The following RASGRP4 variants were observed in gnomAD, a reference collection of about 807,000 sequenced individuals.
The protein encoded by RASGRP4 is RAS guanyl-releasing protein 4.
In RASGRP4, 52 loss-of-function variants were observed where a neutral mutation model predicts 84.4. The ratio of observed to expected loss-of-function variants is 0.62; its 90% CI spans 0.49 to 0.78. The LOEUF is 0.78. Ranked by LOEUF, RASGRP4 falls within the 30% of genes least tolerant of loss-of-function variation. RASGRP4 has a pLI of 0.00. For synonymous variants in RASGRP4, 356 were observed against 359.1 expected, an observed-to-expected ratio of 0.99 and a Z score of 0.10; for missense variants, 760 against 886.9, an observed-to-expected ratio of 0.86 and a Z score of 1.82.
chr19:38,415,828 G>C (rs929119110), intron 8 of RASGRP4, among the ~76,000 whole-genome samples: 15 of 151,512 alleles, frequency 9.9e-5, no homozygotes, highest in African/African-American at 3.6e-4. Context: ...AGAGGCCGAG[G>C]CAGGCGGATC....
chr19:38,415,059 C>T lies in RASGRP4; in HGVS notation c.1019G>A (p.Trp340Ter). 1.2e-6 allele frequency: 2 copies of T among 1,605,766 alleles called. No homozygotes were observed. The highest frequency in any genetic ancestry group is 8.5e-7 in the Non-Finnish European group (1 of 1,176,526). Reference protein sequence around the residue: ...HNNYARYRRTWAGCAGFRLPV... With the variant: ...HNNYARYRRT The stretch of plus-strand genomic sequence containing the variant: ...CAGCCGGAAACCCGCGCAGCCAGCC[C>T]AGGTGCGGCGGTAGCGGGCGTAGTT... Residue 340 changes from tryptophan to a stop codon, truncating the protein, a stop_gained, in exon 9 of 17, where the codon TGG (tryptophan) becomes TAG (stop). Coordinates refer to ENST00000615439, the MANE Select transcript of RASGRP4 (RefSeq NM_170604.3). LOFTEE classifies it high-confidence loss of function.
chr19:38,410,916 T>C lies in RASGRP4; in HGVS notation c.1935A>G (p.Glu645=). ...CQLRHAWTQT[E]SPHPSWETDT... is the part of the protein sequence containing the mutation. The stretch of plus-strand genomic sequence containing the variant: ...CTGTTTCCCAGGAAGGGTGTGGGGA[T>C]TCAGTCTGGGTCCAGGCATGGCGAA... The change falls in exon 16 of 17, where the codon GAA becomes GAG. Residue 645 remains glutamate (E), a synonymous_variant. Coordinates refer to ENST00000615439, the MANE Select transcript of RASGRP4 (RefSeq NM_170604.3). 2 of 1,603,082 alleles carry C rather than the reference T, an allele frequency of 1.2e-6. No homozygotes were observed. Among genetic ancestry groups the C allele is most frequent in the Non-Finnish European group, 1.7e-6 (2 of 1,174,946 alleles).
At chr19:38,410,414 C>CTT (rs1001083743) in intron 16 of RASGRP4, among the ~76,000 whole-genome samples, 8,411 of 135,982 alleles carry the variant, frequency 0.062, 967 homozygotes, top group African/African-American at 0.22. Flanking sequence ...TTCTATTTTT[C>CTT]TTTTTTTTTT....
rs912821011 is a variant in RASGRP4, at chr19:38,425,990, G to C, written c.23+79C>G. 4.1e-6 allele frequency: 5 copies of C among 1,217,856 alleles called. No individual in the cohort carries two copies. The Admixed American group carries it at 1.6e-4, about 40-fold the overall frequency. 75.4% of individuals were successfully genotyped at this position (1,217,856 alleles called of 1,614,324 possible). A position where few individuals can be genotyped will look rare whatever the true frequency, so the allele number is the denominator to read the frequency against. On this transcript the variant is annotated intron_variant, in intron 1 of 16. Transcript: ENST00000615439. ...AAGAAGTCAGGAATCCTGCCACCCT[G>C]GCGAGTGATCTCCCCAGCCCTCCCA...
Position 38,418,409 on chromosome 19 carries a change from C to T in RASGRP4, c.819G>A (p.Lys273=), listed in dbSNP as rs757579367. 2 of 1,606,990 alleles carry T rather than the reference C, an allele frequency of 1.2e-6. No individual in the cohort carries two copies. Among genetic ancestry groups the T allele is most frequent in the East Asian group, 4.5e-5 (2 of 44,666 alleles). ...GPLQRAQVLD[K]FIHVAQRLHQ... ...GCCTCACCTGTGCCACGTGAATGAA[C>T]TTGTCCAGCACCTGTGCACGCTGTA... is the stretch of plus-strand genomic sequence containing the variant. The change falls in exon 7 of 17, where the codon AAG becomes AAA. Residue 273 remains lysine (K), a synonymous_variant. Coordinates refer to ENST00000615439, the MANE Select transcript of RASGRP4 (RefSeq NM_170604.3). The surrounding 1 kb of genome is among the most constrained non-coding windows in gnomAD (Gnocchi z 4.6).
chr19:38,419,518 C>T (rs970023184), intron 6 of RASGRP4, among the ~76,000 whole-genome samples: 4 of 152,096 alleles, frequency 2.6e-5, no homozygotes, highest in South Asian at 2.1e-4. Context: ...CTGTAATCTC[C>T]GCCTCCTGAG....
intron 2 of RASGRP4, 103 bp from the exon 3 acceptor site, chr19:38,421,303 C>T (rs988450930): frequency 3.0e-5 from 24 of 806,530 alleles, no homozygotes; most frequent in African/African-American, 5.0e-5. Flanking sequence ...CCAGCTCTAA[C>T]GGTGATCCCC....
chr19:38,421,158 A>G lies in RASGRP4; in HGVS notation c.251T>C (p.Met84Thr). 1 of 1,613,894 alleles carries G rather than the reference A, an allele frequency of 6.2e-7. No individual in the cohort carries two copies. Among genetic ancestry groups the G allele is most frequent in the Non-Finnish European group, 8.5e-7 (1 of 1,179,852 alleles). The change falls in exon 3 of 17, where the codon ATG becomes ACG. Residue 84 changes from methionine (M) to threonine (T), a missense_variant. By Grantham distance (81) the Met-to-Thr change is moderately conservative (BLOSUM62 -1). Transcript: ENST00000615439. ...SLCHEDHMLN[M>T]VLAMHSWVLP... ...CACCCAGCTGTGCATGGCCAGCACC[A>G]TGTTGAGCATGTGGTCCTCGTGGCA...
At chr19:38,411,543 T>A in intron 13 of RASGRP4, 162 bp from the exon 14 acceptor site, 1 of 718,098 alleles carries the variant, frequency 1.4e-6, no homozygotes, top group Non-Finnish European at 2.2e-6. Context: ...GTACAGTGGC[T>A]CATGCCAGTA....
At position 38,418,314 on chromosome 19, in the gene RASGRP4, G is replaced by A; in HGVS notation, c.837+77C>T. ...GACGTCACCGCCGGGATGACCCTGTGGGGTCGAGGGTCTGGAAGGGGAAGG... is the reference window on the plus strand; with the variant it reads ...GACGTCACCGCCGGGATGACCCTGTAGGGTCGAGGGTCTGGAAGGGGAAGG... On this transcript the variant is annotated intron_variant, in intron 7 of 16. Transcript: ENST00000615439. The surrounding 1 kb of genome is among the most constrained non-coding windows in gnomAD (Gnocchi z 4.6). 4 of 1,431,912 alleles carry A rather than the reference G, an allele frequency of 2.8e-6. 1 individual carries two copies. The highest frequency in any genetic ancestry group is 4.8e-4 in the Middle Eastern group (2 of 4,154). The allele number at this position is 1,431,912 out of a possible 1,614,324, so 88.7% of individuals were successfully genotyped here.
chr19:38,414,836 A>C lies in RASGRP4; in HGVS notation c.1230+12T>G, dbSNP rs760331956. 7 of 1,575,244 alleles carry C rather than the reference A, an allele frequency of 4.4e-6. No homozygotes were observed. Among genetic ancestry groups the C allele is most frequent in the Non-Finnish European group, 6.0e-6 (7 of 1,159,816 alleles). ...TTGGAAGCCCAGCCTGGGCGGGGCC[A>C]GGGGGGCTCACCGTGAGCAGGTGCA... On this transcript the variant is annotated intron_variant, in intron 9 of 16. Coordinates refer to ENST00000615439, the MANE Select transcript of RASGRP4 (RefSeq NM_170604.3).
chr19:38,420,462 G>C (rs931604112), intron 4 of RASGRP4, among the ~76,000 whole-genome samples, 200 bp from the exon 5 acceptor site: 9 of 151,782 alleles, frequency 5.9e-5, no homozygotes, highest in Admixed American at 1.3e-4. Context: ...AACAGAGACT[G>C]GGGGGATCTG....
intron 1 of RASGRP4, among the ~76,000 whole-genome samples, 193 bp downstream of exon 1, chr19:38,425,876 C>T (rs760294375): frequency 1.3e-5 from 2 of 152,142 alleles, no homozygotes; most frequent in Non-Finnish European, 2.9e-5. Flanking sequence ...AGGGACAACA[C>T]GGTACAGATG....
chr19:38,419,937 G>A lies in RASGRP4; in HGVS notation c.586C>T (p.Leu196Phe). 3 of 1,613,898 alleles carry A rather than the reference G, an allele frequency of 1.9e-6. No homozygotes were observed. Among genetic ancestry groups the A allele is most frequent in the Non-Finnish European group, 2.5e-6 (3 of 1,179,850 alleles). ...TCCCCCGTCTCCAAGTGGTCGAAAA[G>A]CAAGGACACTTTGCGCTTTTTGCCC... ...GLGKKRKVSL[L>F]FDHLETGELA... The change falls in exon 6 of 17, where the codon CTT (leucine) becomes TTT (phenylalanine). Residue 196 changes from leucine to phenylalanine, a missense_variant. Transcript: ENST00000615439.
At position 38,421,272 on chromosome 19, in the gene RASGRP4, C is replaced by T. The variant is rs746274608; in HGVS notation, c.209-72G>A. 608 of 1,120,116 alleles carry T rather than the reference C, an allele frequency of 5.4e-4. 1 individual carries two copies. The highest frequency in any genetic ancestry group is 7.0e-4 in the Non-Finnish European group (517 of 741,314). The allele number at this position is 1,120,116 out of a possible 1,614,324, so 69.4% of individuals were successfully genotyped here. A position where few individuals can be genotyped will look rare whatever the true frequency, so the allele number is the denominator to read the frequency against. On this transcript the variant is annotated intron_variant, in intron 2 of 16. Transcript: ENST00000615439. ...ATGCAGAGCGTAGCTCCAGATCCTG[C>T]CGGACCACCTGGTTCAAAGACCAGC...
chr19:38,414,388 G>A (rs997079146), intron 9 of RASGRP4, among the ~76,000 whole-genome samples: 1 of 138,574 alleles, frequency 7.2e-6, no homozygotes, highest in South Asian at 2.2e-4. Context: ...GCGCAATGGC[G>A]CAATCTCAGC....
intron 1 of RASGRP4, among the ~76,000 whole-genome samples, chr19:38,425,842 G>A (rs985167597): frequency 3.3e-5 from 5 of 152,158 alleles, no homozygotes; most frequent in African/African-American, 1.2e-4. Flanking sequence ...GAGTGGAAAA[G>A]GGGCACGGAG....
At chr19:38,416,524 G>T (rs2145214109) in intron 8 of RASGRP4, among the ~76,000 whole-genome samples, 1 of 151,472 alleles carries the variant, frequency 6.6e-6, no homozygotes, top group East Asian at 1.9e-4. Context: ...TGTTGCCCAG[G>T]CTGGTCTGAA....
Position 38,417,264 on chromosome 19 carries a change from T to G in RASGRP4, c.838-96A>C. The G allele has an allele frequency of 1.3e-6, 1 of 770,618 alleles. No individual in the cohort carries two copies. The highest frequency in any genetic ancestry group is 2.3e-6 in the Non-Finnish European group (1 of 444,140). The allele number at this position is 770,618 out of a possible 1,614,324, so 47.7% of individuals were successfully genotyped here. ...CCCAGTTGAGGTGGGGTCCCAGGCA[T>G]GTGTGGACCAATGTGGGGATCAGAC... On this transcript the variant is annotated intron_variant, in intron 7 of 16. Coordinates refer to ENST00000615439, the MANE Select transcript of RASGRP4 (RefSeq NM_170604.3). This position sits in a 1 kb window ranked among gnomAD's most constrained non-coding sequence, Gnocchi z 5.1.
Sources: allele counts gnomAD v4.1 joint callset (sites outside exome capture counted in the v4.1 genomes callset), GRCh38; gene constraint gnomAD v4.1.1; non-coding constraint Gnocchi (gnomAD v3.1); transcripts MANE v1.5; gene names NCBI Gene and HGNC (gene_info 2026-07-23, HGNC 2026-07-21).